TIMMDC1: variants seen among roughly 807,000 people sequenced by gnomAD.
The protein encoded by TIMMDC1 is complex I assembly factor TIMMDC1, mitochondrial.
Under a neutral mutation model 32.6 loss-of-function variants are expected in TIMMDC1, and 25 were observed. The observed-to-expected ratio is 0.77, with a 90% CI of 0.56 to 1.07. The LOEUF (loss-of-function observed/expected upper bound fraction) is 1.07. TIMMDC1 is among the 50% of genes least tolerant of loss of function. The probability of loss-of-function intolerance (pLI) is 0.00; values close to 1 mark genes in which losing one functional copy is unlikely to be tolerated. For missense variants in TIMMDC1, 329 were observed against 349.2 expected (o/e 0.94, Z 0.46); for synonymous variants, 130 against 127.6 (o/e 1.02, Z -0.13).
intron 4 of TIMMDC1, 89 bp from the exon 5 acceptor site, chr3:119,513,552 T>C (rs2081967550): frequency 7.3e-6 from 7 of 957,316 alleles, no homozygotes; most frequent in Admixed American, 2.0e-5. Context: ...AAAGCTCACT[T>C]AGGGATTTCC....
At chr3:119,504,734 A>G (rs892068376) in intron 4 of TIMMDC1, among the ~76,000 whole-genome samples, 6 of 152,204 alleles carry the variant, frequency 3.9e-5, no homozygotes, top group African/African-American at 1.4e-4. Flanking sequence ...GATCTATTTA[A>G]AACATGGTAA....
In TIMMDC1 at chr3:119,521,746, A is replaced by G. The variant is rs58206009; in HGVS notation, c.708-1860A>G. ...CTTGGGGGGAAACTTGTATTTCTCA[A>G]AAAATACCTACAAGTGCTAACAAGT... On this transcript the variant is annotated intron_variant, in intron 6 of 6. Coordinates refer to ENST00000494664, the MANE Select transcript of TIMMDC1 (RefSeq NM_016589.4). 4.0e-4 allele frequency among the ~76,000 whole-genome samples: 61 copies of G among 152,198 alleles called. 1 individual carries two copies. The East Asian group carries it at 0.011, about 26-fold the overall frequency.
Position 119,503,598 on chromosome 3 carries a change from G to A in TIMMDC1, c.427G>A (p.Ala143Thr). ...RYGWRWGWRT[A>T]VFVTIFNTVN... is the part of the protein sequence containing the mutation. ...TGGCTGGCGCTGGGGTTGGAGAACT[G>A]CAGTGTTTGTGACTATATTCAAGTA... Residue 143 changes from alanine (A) to threonine (T), a missense_variant, in exon 3 of 7, where the codon GCA becomes ACA. Coordinates refer to ENST00000494664, the MANE Select transcript of TIMMDC1 (RefSeq NM_016589.4). 1.2e-6 allele frequency: 2 copies of A among 1,611,178 alleles called. No individual in the cohort carries two copies. Among genetic ancestry groups the A allele is most frequent in the Non-Finnish European group, 1.7e-6 (2 of 1,178,956 alleles).
chr3:119,507,395 C>T (rs959514711), intron 4 of TIMMDC1, among the ~76,000 whole-genome samples: 1 of 152,174 alleles, frequency 6.6e-6, no homozygotes, highest in Non-Finnish European at 1.5e-5. Context: ...ATAATGTCTT[C>T]AAGCTCAGGG....
At chr3:119,522,793 C>A (rs2082035699) in intron 6 of TIMMDC1, among the ~76,000 whole-genome samples, 1 of 143,586 alleles carries the variant, frequency 7.0e-6, no homozygotes, top group African/African-American at 2.6e-5. Flanking sequence ...AGCATATACA[C>A]GTATGGGTGT....
At chr3:119,517,005 T>G (rs150323754) in intron 5 of TIMMDC1, among the ~76,000 whole-genome samples, 200 bp from the exon 6 acceptor site, 1 of 152,350 alleles carries the variant, frequency 6.6e-6, no homozygotes, top group East Asian at 1.9e-4. Flanking sequence ...TAGTGATTGT[T>G]TTTGTCTGTT....
intron 2 of TIMMDC1, among the ~76,000 whole-genome samples, chr3:119,501,872 G>A (rs954356668): frequency 6.6e-6 from 1 of 151,992 alleles, no homozygotes; most frequent in African/African-American, 2.4e-5. Context: ...CTCAATTTGG[G>A]TTTGTTTGAT....
intron 4 of TIMMDC1, among the ~76,000 whole-genome samples, chr3:119,509,734 G>A (rs1019575205): frequency 2.7e-5 from 4 of 148,462 alleles, no homozygotes; most frequent in Non-Finnish European, 5.9e-5. Flanking sequence ...CGCTCAGGCT[G>A]GAGTGCAGTG....
At chr3:119,512,330 G>A (rs2081957553) in intron 4 of TIMMDC1, among the ~76,000 whole-genome samples, 2 of 152,286 alleles carry the variant, frequency 1.3e-5, no homozygotes. Context: ...CCAGGCAAGA[G>A]TGCAGTGACG....
chr3:119,500,630 A>C (rs575657637), intron 1 of TIMMDC1, 65 bp from the exon 2 acceptor site: 3 of 1,436,858 alleles, frequency 2.1e-6, no homozygotes, highest in Admixed American at 4.3e-5. Context: ...TTCTGATTAT[A>C]GAGTCTCTTG....
chr3:119,523,720 A>T lies in TIMMDC1; in HGVS notation c.822A>T (p.Arg274Ser). ...KKIEALLNLP[R>S]NPSVIDKQDK... ...TTGAAGCACTGCTAAACCTTCCTAG[A>T]AACCCTTCAGTAATAGATAAACAAG... Residue 274 changes from arginine (R) to serine (S), a missense_variant, in exon 7 of 7, where the codon AGA (arginine) becomes AGT (serine). By Grantham distance (110) the Arg-to-Ser change is moderately radical. Transcript: ENST00000494664. 1 of 1,612,558 alleles carries T rather than the reference A, an allele frequency of 6.2e-7. No homozygotes were observed. The highest frequency in any genetic ancestry group is 1.1e-5 in the South Asian group (1 of 90,804).
chr3:119,506,646 C>T (rs535288087), intron 4 of TIMMDC1, among the ~76,000 whole-genome samples: 1 of 152,028 alleles, frequency 6.6e-6, no homozygotes, highest in Admixed American at 6.5e-5. Flanking sequence ...TTTCCCACTG[C>T]TACTATCTTA....
chr3:119,510,774 A>G (rs16829896), intron 4 of TIMMDC1, among the ~76,000 whole-genome samples: 22,327 of 152,206 alleles, frequency 0.15, 2,054 homozygotes, highest in Non-Finnish European at 0.2. Flanking sequence ...GTGCTTATGT[A>G]AAAAAATCCA....
In TIMMDC1 at chr3:119,524,233, CAA is replaced by C. The variant is rs1311629148; in HGVS notation, c.*479_*480del. 8 of 152,210 alleles carry C rather than the reference CAA, an allele frequency of 5.3e-5. No homozygotes were observed. Among genetic ancestry groups the C allele is most frequent in the African/African-American group, 1.9e-4 (8 of 41,408 alleles). The allele number at this position is 152,210 out of a possible 1,614,324, so 9.4% of individuals were successfully genotyped here. A position where few individuals can be genotyped will look rare whatever the true frequency, so the allele number is the denominator to read the frequency against. On this transcript the variant is annotated 3_prime_UTR_variant, in exon 7 of 7. Coordinates refer to ENST00000494664, the MANE Select transcript of TIMMDC1 (RefSeq NM_016589.4). ...TAGTGTTTGGTTTCATCTAAATAAA[CAA>C]AGATGATTTCTTTGACACTTGAAAT...
intron 5 of TIMMDC1, among the ~76,000 whole-genome samples, chr3:119,514,479 A>G (rs989566203): frequency 2.0e-5 from 3 of 152,222 alleles, no homozygotes; most frequent in Non-Finnish European, 4.4e-5. Context: ...CAACACAACT[A>G]TCTAAGTTAG....
intron 4 of TIMMDC1, among the ~76,000 whole-genome samples, chr3:119,511,276 G>A (rs900680806): frequency 2.0e-5 from 3 of 151,808 alleles, no homozygotes; most frequent in East Asian, 3.9e-4. Context: ...TCAGGAGTTC[G>A]AGACCAGCCT....
chr3:119,514,827 G>T (rs1237951957), intron 5 of TIMMDC1, among the ~76,000 whole-genome samples: 8 of 152,108 alleles, frequency 5.3e-5, no homozygotes, highest in Admixed American at 5.2e-4. Flanking sequence ...GTCTTGGCCG[G>T]GCTAGGCTCT....
At chr3:119,499,060 A>T in intron 1 of TIMMDC1, 133 bp downstream of exon 1, 7 of 633,496 alleles carry the variant, frequency 1.1e-5, no homozygotes, top group South Asian at 4.2e-5. Flanking sequence ...AGGTTCTGAT[A>T]TTTGTAACCC....
intron 6 of TIMMDC1, 66 bp from the exon 7 acceptor site, chr3:119,523,540 G>T: frequency 1.4e-6 from 2 of 1,453,350 alleles, no homozygotes; most frequent in Admixed American, 2.4e-5. Flanking sequence ...TATCCTTTTT[G>T]TTTTAAATCT....
Sources: gnomAD v4.1 joint callset for allele counts (sites outside exome capture counted in the v4.1 genomes callset) on GRCh38, gnomAD v4.1.1 for gene constraint, MANE v1.5 for transcripts, NCBI Gene and HGNC (gene_info 2026-07-23, HGNC 2026-07-21) for gene names.